PDZD2: variants seen among roughly 807,000 people sequenced by gnomAD.
PDZD2 encodes PDZ domain containing 2, also known as PDZ domain-containing protein 2.
PDZD2 carries 90 observed loss-of-function variants against 220.7 expected under a neutral mutation model. The observed-to-expected ratio is 0.41, with a 90% confidence interval of 0.34 to 0.49. The LOEUF is 0.49. Among genes scored for constraint, PDZD2 ranks in the 20% least tolerant of loss-of-function variants. The probability of loss-of-function intolerance (pLI) is 0.28; values close to 1 mark genes in which losing one functional copy is unlikely to be tolerated. For synonymous variants in PDZD2, 1,375 were observed against 1,450.5 expected (o/e 0.95, Z 1.18); for missense variants, 3,174 against 3,608.5 (o/e 0.88, Z 3.08).
intron 2 of PDZD2, among the ~76,000 whole-genome samples, chr5:31,869,936 T>C (rs7706679): frequency 0.14 from 20,797 of 152,084 alleles, 2,615 homozygotes; most frequent in African/African-American, 0.33. Flanking sequence ...CAGGAGCCTC[T>C]CCGGCGATAC....
At chr5:32,069,321 T>C (rs1740539194) in intron 14 of PDZD2, among the ~76,000 whole-genome samples, 1 of 150,944 alleles carries the variant, frequency 6.6e-6, no homozygotes, top group Non-Finnish European at 1.5e-5. Flanking sequence ...ATATCAGCTG[T>C]GTTGTTGGTA....
intron 1 of PDZD2, among the ~76,000 whole-genome samples, chr5:31,721,769 C>T: frequency 6.6e-6 from 1 of 151,496 alleles, no homozygotes; most frequent in Non-Finnish European, 1.5e-5. Context: ...TTAGCAGTGC[C>T]TTGCAGTTGT....
chr5:31,658,723 G>A (rs551274628), intron 1 of PDZD2, among the ~76,000 whole-genome samples: 71 of 151,926 alleles, frequency 4.7e-4, no homozygotes, highest in African/African-American at 1.6e-3. Context: ...GGGTTCAAGC[G>A]ATTCTCCTGT....
chr5:31,946,300 G>A (rs930839592), intron 2 of PDZD2, among the ~76,000 whole-genome samples: 1 of 152,224 alleles, frequency 6.6e-6, no homozygotes, highest in Non-Finnish European at 1.5e-5. Context: ...ACTGCGCCTG[G>A]CCAAACATGC....
At chr5:31,688,503 G>T (rs765165250) in intron 1 of PDZD2, among the ~76,000 whole-genome samples, 4 of 152,146 alleles carry the variant, frequency 2.6e-5, no homozygotes, top group Non-Finnish European at 5.9e-5. Context: ...TTCCCCCTCT[G>T]TGGCAAAACC....
intron 2 of PDZD2, among the ~76,000 whole-genome samples, chr5:31,833,207 G>A (rs1180221631): frequency 6.6e-6 from 1 of 152,176 alleles, no homozygotes; most frequent in Non-Finnish European, 1.5e-5. Flanking sequence ...GGTGACTCAT[G>A]CCTGTAATCC....
Position 31,731,200 on chromosome 5 carries a change from A to C in PDZD2, c.-360-67689A>C, listed in dbSNP as rs189302166. Among the ~76,000 whole-genome samples the C allele has an allele frequency of 4.0e-3, 604 of 152,220 alleles. 2 individuals are homozygous for C. The highest frequency in any genetic ancestry group is 0.015 in the South Asian group (73 of 4,804). On this transcript the variant is annotated intron_variant, in intron 1 of 24. Coordinates refer to ENST00000438447, the MANE Select transcript of PDZD2 (RefSeq NM_178140.4). ...TGTTTTGCTTTGTTTTACATTTCCA[A>C]ATCCAGGAAACGGCTGTGGTTAAGA...
intron 20 of PDZD2, 81 bp from the exon 21 acceptor site, chr5:32,092,826 A>G: frequency 3.0e-6 from 2 of 673,234 alleles, no homozygotes; most frequent in East Asian, 5.7e-5. Flanking sequence ...AGTAGAAAGG[A>G]GATCATTTTA....
chr5:32,054,310 A>ACCT (rs1738877949), intron 10 of PDZD2, among the ~76,000 whole-genome samples: 1 of 58,600 alleles, frequency 1.7e-5, no homozygotes, highest in African/African-American at 7.1e-5. Flanking sequence ...CTAAATGAAC[A>ACCT]TCTTTTTTTT....
chr5:31,916,711 G>C (rs981087356), intron 2 of PDZD2, among the ~76,000 whole-genome samples: 7 of 152,126 alleles, frequency 4.6e-5, no homozygotes, highest in African/African-American at 1.7e-4. Context: ...CTTGTGCTCT[G>C]CATAGAGCCA....
intron 2 of PDZD2, among the ~76,000 whole-genome samples, chr5:31,890,627 C>G (rs576277229): frequency 1.3e-5 from 2 of 152,282 alleles, no homozygotes; most frequent in East Asian, 3.9e-4. Context: ...GGGACCCCAA[C>G]CACAAAGAGA....
At chr5:31,702,312 T>A (rs1747642788) in intron 1 of PDZD2, among the ~76,000 whole-genome samples, 1 of 152,250 alleles carries the variant, frequency 6.6e-6, no homozygotes, top group Non-Finnish European at 1.5e-5. Context: ...AACTAAGTCT[T>A]AGACAAGTTA....
chr5:32,090,413 A>C lies in PDZD2; in HGVS notation c.6965A>C (p.Glu2322Ala), dbSNP rs1191214786. Residue 2322 changes from glutamate (E) to alanine (A), a missense_variant, in exon 20 of 25, where the codon GAG (glutamate) becomes GCG (alanine). This residue lies in a region of PDZD2 where 631 missense variants were observed against 789.9 expected (regional missense o/e 0.80). Coordinates refer to ENST00000438447, the MANE Select transcript of PDZD2 (RefSeq NM_178140.4). The surrounding 1 kb of genome is among the most constrained non-coding windows in gnomAD (Gnocchi z 4.3). ...GTCACCAGACGACACTACTGCTATG[A>C]GCAGAACTGGCCCCATGAATCTACC... ...IKVTRRHYCYEQNWPHESTSF... is the reference protein window; with the variant it reads ...IKVTRRHYCYAQNWPHESTSF... 6.2e-7 allele frequency: 1 copy of C among 1,614,082 alleles called. No individual in the cohort carries two copies. The highest frequency in any genetic ancestry group is 2.2e-5 in the East Asian group (1 of 44,898).
chr5:31,956,547 A>G (rs1453727427), intron 2 of PDZD2, among the ~76,000 whole-genome samples: 36 of 92,588 alleles, frequency 3.9e-4, no homozygotes, highest in Non-Finnish European at 4.0e-4. Context: ...ACTCTGTCTC[A>G]AAAAAAAAAA....
intron 2 of PDZD2, among the ~76,000 whole-genome samples, chr5:31,867,863 G>A (rs1204156744): frequency 6.6e-6 from 1 of 150,774 alleles, no homozygotes; most frequent in East Asian, 1.9e-4. Context: ...AGGAAGATTA[G>A]GGAAAGGAAG....
chr5:31,763,659 C>T (rs1751792274), intron 1 of PDZD2, among the ~76,000 whole-genome samples: 1 of 152,026 alleles, frequency 6.6e-6, no homozygotes. Flanking sequence ...TCTTTCCTGG[C>T]ATGGAGACAG....
chr5:31,899,258 A>G (rs1741868838), intron 2 of PDZD2, among the ~76,000 whole-genome samples: 1 of 151,992 alleles, frequency 6.6e-6, no homozygotes, highest in Non-Finnish European at 1.5e-5. Flanking sequence ...AGCCTCCCAC[A>G]TAGCTGGGAT....
intron 1 of PDZD2, chr5:31,747,524 A>C (rs1750672464): frequency 6.6e-6 from 1 of 152,164 alleles, no homozygotes; most frequent in South Asian, 2.1e-4. Context: ...GTGTGTCCTG[A>C]ATACCATCAG....
In PDZD2 at chr5:31,707,614, G is replaced by A. The variant is rs553158386; in HGVS notation, c.-361+68177G>A. Among the ~76,000 whole-genome samples, 77 of 151,968 alleles carry A rather than the reference G, an allele frequency of 5.1e-4. No individual in the cohort carries two copies. In the South Asian group the frequency reaches 0.011, roughly 22 times the overall value. On this transcript the variant is annotated intron_variant, in intron 1 of 24. Coordinates refer to ENST00000438447, the MANE Select transcript of PDZD2 (RefSeq NM_178140.4). ...TATAGAAAGATAGAGCCACACCCACGTGGAGCTACTGCAAAAGTGAACTTG... is the reference window on the plus strand; with the variant it reads ...TATAGAAAGATAGAGCCACACCCACATGGAGCTACTGCAAAAGTGAACTTG...
Sources: allele counts gnomAD v4.1 joint callset (sites outside exome capture counted in the v4.1 genomes callset), GRCh38; gene constraint gnomAD v4.1.1; regional missense constraint gnomAD v4.1.1; non-coding constraint Gnocchi (gnomAD v3.1); transcripts MANE v1.5; gene names NCBI Gene and HGNC (gene_info 2026-07-23, HGNC 2026-07-21).